FRMD3: variants seen among roughly 807,000 people sequenced by gnomAD.
FRMD3 encodes the protein FERM domain-containing protein 3.
In FRMD3, 33 loss-of-function variants were observed where a neutral mutation model predicts 70.2. The observed-to-expected ratio is 0.47, with a 90% CI of 0.36 to 0.63. The LOEUF (loss-of-function observed/expected upper bound fraction) is 0.63, where lower values mean the gene tolerates loss of function less well. FRMD3 is among the 20% of genes least tolerant of loss of function. The pLI is 0.00. For missense variants in FRMD3, 632 were observed against 711.4 expected, an observed-to-expected ratio of 0.89 and a Z score of 1.27; for synonymous variants, 279 against 255.9, an observed-to-expected ratio of 1.09 and a Z score of -0.86.
In FRMD3 at chr9:83,456,334, A is replaced by C. The variant is rs146700632; in HGVS notation, c.148-66626T>G. Among the ~76,000 whole-genome samples the C allele has an allele frequency of 7.1e-3, 1,085 of 152,314 alleles. 17 individuals carry two copies. Among genetic ancestry groups the C allele is most frequent in the African/African-American group, 0.024 (1,013 of 41,558 alleles). On this transcript the variant is annotated intron_variant, in intron 1 of 13. Coordinates refer to ENST00000304195, the MANE Select transcript of FRMD3 (RefSeq NM_174938.6). Reference sequence around the variant, plus strand: ...TTCGTTTATGGAGAGGTTGTTTTCAAATCATTTGAAACAAACAGTGCTGCT... The same window carrying C: ...TTCGTTTATGGAGAGGTTGTTTTCACATCATTTGAAACAAACAGTGCTGCT...
At chr9:83,582,048 G>A in the FRMD3 span, among the ~76,000 whole-genome samples, 1 of 152,116 alleles carries the variant, frequency 6.6e-6, no homozygotes, top group Non-Finnish European at 1.5e-5. Flanking sequence ...TACCTCAAAA[G>A]GTTGTCATAA....
Position 83,244,834 on chromosome 9 carries a change from A to G in FRMD3, c.*3084T>C. ...ATAAATATTAGACAAACCACAAAAT[A>G]TATTCCAAATACATAACATTTTACA... On this transcript the variant is annotated 3_prime_UTR_variant, in exon 14 of 14. Coordinates refer to ENST00000304195, the MANE Select transcript of FRMD3 (RefSeq NM_174938.6). The G allele has an allele frequency of 1.0e-6, 1 of 984,550 alleles. No individual in the cohort carries two copies. Among genetic ancestry groups the G allele is most frequent in the Non-Finnish European group, 1.2e-6 (1 of 829,140 alleles). The allele number at this position is 984,550 out of a possible 1,614,324, so 61.0% of individuals were successfully genotyped here.
intron 1 of FRMD3, among the ~76,000 whole-genome samples, chr9:83,484,683 G>T (rs954343925): frequency 6.6e-6 from 1 of 152,186 alleles, no homozygotes; most frequent in Non-Finnish European, 1.5e-5. Context: ...CTCTCAAAGT[G>T]CTGGGATTAC....
At chr9:83,585,729 T>C in the FRMD3 span, among the ~76,000 whole-genome samples, 1 of 152,218 alleles carries the variant, frequency 6.6e-6, no homozygotes, top group Non-Finnish European at 1.5e-5. Flanking sequence ...TTATGCAAGT[T>C]AGAAATAAAC....
intron 13 of FRMD3, among the ~76,000 whole-genome samples, chr9:83,256,786 G>C (rs1258921832): frequency 6.6e-6 from 1 of 152,088 alleles, no homozygotes; most frequent in African/African-American, 2.4e-5. Context: ...CTGATCATTA[G>C]AGAAATGCAA....
At chr9:83,352,618 T>C (rs1465707807) in intron 3 of FRMD3, among the ~76,000 whole-genome samples, 1 of 152,204 alleles carries the variant, frequency 6.6e-6, no homozygotes, top group Non-Finnish European at 1.5e-5. Context: ...CATCTGAAGA[T>C]GACACTTGTG....
At chr9:83,547,738 T>G in the FRMD3 span, among the ~76,000 whole-genome samples, 430 of 152,250 alleles carry the variant, frequency 2.8e-3, no homozygotes, top group African/African-American at 0.01. Context: ...AAACATACAT[T>G]TTTTTCTCAT....
At chr9:83,498,212 C>G (rs1023046411) in intron 1 of FRMD3, among the ~76,000 whole-genome samples, 2 of 152,182 alleles carry the variant, frequency 1.3e-5, no homozygotes, top group East Asian at 3.9e-4. Context: ...CCTAAGCAAT[C>G]CTGACTAGTA....
At chr9:83,561,874 T>C in the FRMD3 span, among the ~76,000 whole-genome samples, 1 of 152,128 alleles carries the variant, frequency 6.6e-6, no homozygotes. Context: ...ACCACACATC[T>C]CCTAGATACT....
intron 13 of FRMD3, among the ~76,000 whole-genome samples, chr9:83,250,906 G>A (rs866044552): frequency 3.9e-5 from 6 of 152,206 alleles, no homozygotes; most frequent in African/African-American, 1.4e-4. Flanking sequence ...CCATTTCTGT[G>A]GTTTGGTCCA....
Position 83,460,154 on chromosome 9 carries a change from T to C in FRMD3, c.148-70446A>G, listed in dbSNP as rs1827929017. 2.0e-5 allele frequency among the ~76,000 whole-genome samples: 3 copies of C among 152,098 alleles called. No individual in the cohort carries two copies. In the South Asian group the frequency reaches 6.2e-4, roughly 32 times the overall value. On this transcript the variant is annotated intron_variant, in intron 1 of 13. Coordinates refer to ENST00000304195, the MANE Select transcript of FRMD3 (RefSeq NM_174938.6). ...ATCCTTACTCCTTCCCTGCCTCAGTTCTACTCTTTCCCTGCCTCAGTATCC... is the reference window on the plus strand; with the variant it reads ...ATCCTTACTCCTTCCCTGCCTCAGTCCTACTCTTTCCCTGCCTCAGTATCC...
At chr9:83,550,050 C>T in the FRMD3 span, among the ~76,000 whole-genome samples, 1 of 152,072 alleles carries the variant, frequency 6.6e-6, no homozygotes, top group African/African-American at 2.4e-5. Flanking sequence ...ATAGTATTGC[C>T]TAGGTTGTCT....
At chr9:83,527,761 T>C (rs1226466474) in intron 1 of FRMD3, among the ~76,000 whole-genome samples, 3 of 152,162 alleles carry the variant, frequency 2.0e-5, no homozygotes, top group African/African-American at 7.2e-5. Flanking sequence ...TTAACTCTTC[T>C]GAGCCTGAGT....
intron 3 of FRMD3, among the ~76,000 whole-genome samples, chr9:83,356,568 G>A (rs1824352062): frequency 6.6e-6 from 1 of 151,190 alleles, no homozygotes. Context: ...GAGCCACCGC[G>A]CCCGGCCAGC....
At chr9:83,443,388 G>T (rs548750533) in intron 1 of FRMD3, among the ~76,000 whole-genome samples, 2 of 152,310 alleles carry the variant, frequency 1.3e-5, no homozygotes, top group Non-Finnish European at 1.5e-5. Context: ...AGAACATGCG[G>T]TGTTTGGTTT....
chr9:83,358,555 C>G (rs2131216053), intron 3 of FRMD3, among the ~76,000 whole-genome samples: 1 of 152,234 alleles, frequency 6.6e-6, no homozygotes, highest in Admixed American at 6.5e-5. Flanking sequence ...TGATTCCATC[C>G]ATCCATGAGC....
chr9:83,246,777 C>T lies in FRMD3; in HGVS notation c.*1141G>A. The T allele has an allele frequency of 1.0e-6, 1 of 985,224 alleles. No individual in the cohort carries two copies. The highest frequency in any genetic ancestry group is 1.2e-6 in the Non-Finnish European group (1 of 829,868). The allele number at this position is 985,224 out of a possible 1,614,324, so 61.0% of individuals were successfully genotyped here. ...CAAAATATTTACCTTAAAGTTTCTC[C>T]ACTTTTATTTAGATCCACTTAAACA... On this transcript the variant is annotated 3_prime_UTR_variant, in exon 14 of 14. Coordinates refer to ENST00000304195, the MANE Select transcript of FRMD3 (RefSeq NM_174938.6).
chr9:83,522,019 C>T (rs1829581895), intron 1 of FRMD3, among the ~76,000 whole-genome samples: 2 of 152,170 alleles, frequency 1.3e-5, no homozygotes, highest in Admixed American at 1.3e-4. Flanking sequence ...CATATCTATA[C>T]AGGAGACACG....
chr9:83,374,202 C>T (rs1200299447), intron 2 of FRMD3, among the ~76,000 whole-genome samples: 1 of 152,048 alleles, frequency 6.6e-6, no homozygotes, highest in African/African-American at 2.4e-5. Context: ...CCTGGCTGAT[C>T]ATTTGCTCTA....
Sources: allele counts gnomAD v4.1 joint callset (sites outside exome capture counted in the v4.1 genomes callset), GRCh38; gene constraint gnomAD v4.1.1; transcripts MANE v1.5; gene names NCBI Gene and HGNC (gene_info 2026-07-23, HGNC 2026-07-21).